Variants in UCP1 observed in about 807,000 individuals in gnomAD.
UCP1 encodes uncoupling protein 1, also known as mitochondrial brown fat uncoupling protein 1.
A neutral mutation model predicts 26.2 loss-of-function variants in UCP1; 24 were observed. The observed-to-expected ratio is 0.92, with a 90% confidence interval of 0.66 to 1.29. UCP1 has a LOEUF of 1.29. Ranked by LOEUF, UCP1 falls within the 50% of genes most tolerant of loss-of-function variation. The probability of loss-of-function intolerance (pLI) is 0.00; values close to 1 mark genes in which losing one functional copy is unlikely to be tolerated. For missense variants in UCP1, 402 were observed against 388.7 expected (o/e 1.03, Z -0.29); for synonymous variants, 164 against 156.8 (o/e 1.05, Z -0.34).
chr4:140,562,268 G>A lies in UCP1; in HGVS notation c.734C>T (p.Pro245Leu), dbSNP rs1376645954. 1 of 1,613,984 alleles carries A rather than the reference G, an allele frequency of 6.2e-7. No homozygotes were observed. The highest frequency in any genetic ancestry group is 8.5e-7 in the Non-Finnish European group (1 of 1,180,012). Residue 245 changes from proline to leucine, a missense_variant, in exon 5 of 6, where the codon CCA (proline) becomes CTA (leucine). Coordinates refer to ENST00000262999, the MANE Select transcript of UCP1 (RefSeq NM_021833.5). Reference protein sequence around the residue: ...VVKTRFINSPPGQYKSVPNCA... With the variant: ...VVKTRFINSPLGQYKSVPNCA... ...GTTGGGCACACTTTTGTACTGTCCT[G>A]GTGGAGAATTAATAAATCTGGTTTT...
At position 140,562,176 on chromosome 4, in the gene UCP1, A is replaced by T. The variant is rs553417300; in HGVS notation, c.809+17T>A. 1 of 1,614,094 alleles carries T rather than the reference A, an allele frequency of 6.2e-7. No individual in the cohort carries two copies. The highest frequency in any genetic ancestry group is 1.1e-5 in the South Asian group (1 of 91,086). On this transcript the variant is annotated intron_variant, in intron 5 of 5. Coordinates refer to ENST00000262999, the MANE Select transcript of UCP1 (RefSeq NM_021833.5). ...GACAGCCAGAACACATTACAGATAC[A>T]CAAGATCATATCTTACCCCTTGAAG...
At chr4:140,560,188 G>T (rs920851060) in intron 5 of UCP1, among the ~76,000 whole-genome samples, 178 bp from the exon 6 acceptor site, 16 of 151,924 alleles carry the variant, frequency 1.1e-4, no homozygotes, top group Non-Finnish European at 2.2e-4. Context: ...GGAGTAACTG[G>T]GACTAGAGAC....
At chr4:140,563,238 T>C (rs751020946) in intron 3 of UCP1, 27 bp from the exon 4 acceptor site, 168 of 1,611,526 alleles carry the variant, frequency 1.0e-4, no homozygotes, top group Non-Finnish European at 1.3e-4. Context: ...AGAAAATGTT[T>C]ATTAACTCTA....
intron 5 of UCP1, 93 bp downstream of exon 5, chr4:140,562,100 C>T (rs1578787117): frequency 8.4e-6 from 12 of 1,428,824 alleles, no homozygotes; most frequent in African/African-American, 1.4e-5. Flanking sequence ...TATACTAAGG[C>T]TTGTAAGCTA....
chr4:140,562,192 C>T lies in UCP1; in HGVS notation c.809+1G>A. Reference sequence around the variant, plus strand: ...TACAGATACACAAGATCATATCTTACCCCTTGAAGAAAGCCGTTGGTCCTT... The same window carrying T: ...TACAGATACACAAGATCATATCTTATCCCTTGAAGAAAGCCGTTGGTCCTT... On this transcript the variant is annotated splice_donor_variant, in intron 5 of 5. Coordinates refer to ENST00000262999, the MANE Select transcript of UCP1 (RefSeq NM_021833.5). LOFTEE classifies it high-confidence loss of function. 1 of 1,614,138 alleles carries T rather than the reference C, an allele frequency of 6.2e-7. No individual in the cohort carries two copies. The highest frequency in any genetic ancestry group is 8.5e-7 in the Non-Finnish European group (1 of 1,179,992).
In UCP1 at chr4:140,563,439, C is replaced by T; in HGVS notation, c.405G>A (p.Glu135=). The T allele has an allele frequency of 6.2e-7, 1 of 1,614,060 alleles. No homozygotes were observed. Among genetic ancestry groups the T allele is most frequent in the South Asian group, 1.1e-5 (1 of 91,072 alleles). ...GTGCTTGAAGTCTGACTTTCACGAC[C>T]TCTGTGGGTTGCCCAATGAATACTG... The part of the protein sequence containing the change: ...GVAVFIGQPT[E]VVKVRLQAQS... The change falls in exon 3 of 6, where the codon GAG becomes GAA. Residue 135 remains glutamate, a synonymous_variant. Transcript: ENST00000262999.
chr4:140,566,967 G>A (rs1434506972), intron 2 of UCP1, among the ~76,000 whole-genome samples: 1 of 152,192 alleles, frequency 6.6e-6, no homozygotes, highest in African/African-American at 2.4e-5. Context: ...CCTCCCAGCT[G>A]TGTGACCTTG....
Position 140,562,414 on chromosome 4 carries a change from G to A in UCP1, c.629-41C>T, listed in dbSNP as rs777139082. The A allele has an allele frequency of 3.2e-5, 51 of 1,607,510 alleles. No homozygotes were observed. The Admixed American group carries it at 8.6e-4, about 27-fold the overall frequency. On this transcript the variant is annotated intron_variant, in intron 4 of 5. Transcript: ENST00000262999. ...GAAACAGGTCAACATCAGACTTTTG[G>A]GGGCTTGCAATTTAGTTATCTGTCA...
chr4:140,563,468 C>T lies in UCP1; in HGVS notation c.376G>A (p.Val126Met). The T allele has an allele frequency of 6.2e-7, 1 of 1,614,102 alleles. No individual in the cohort carries two copies. The highest frequency in any genetic ancestry group is 8.5e-7 in the Non-Finnish European group (1 of 1,180,030). The change falls in exon 3 of 6, where the codon GTG becomes ATG. Residue 126 changes from valine (V) to methionine (M), a missense_variant. Transcript: ENST00000262999. ...GTGGGTTGCCCAATGAATACTGCCA[C>T]TCCTCCAGTCGTTAGACCAGCTAAA... ...KILAGLTTGG[V>M]AVFIGQPTEV... is the part of the protein sequence containing the mutation.
At chr4:140,563,594 G>A in intron 2 of UCP1, 76 bp from the exon 3 acceptor site, 3 of 1,351,566 alleles carry the variant, frequency 2.2e-6, no homozygotes. Flanking sequence ...TTAATTTTCA[G>A]TGGTTCATAT....
At chr4:140,566,557 T>C (rs1735803314) in intron 2 of UCP1, among the ~76,000 whole-genome samples, 1 of 152,234 alleles carries the variant, frequency 6.6e-6, no homozygotes, top group Admixed American at 6.5e-5. Flanking sequence ...GACTTTATCT[T>C]CACTTTGAAA....
chr4:140,561,026 A>C (rs544349406), intron 5 of UCP1, among the ~76,000 whole-genome samples: 24 of 152,298 alleles, frequency 1.6e-4, no homozygotes, highest in Non-Finnish European at 2.6e-4. Flanking sequence ...AACGTTTTCA[A>C]GGTTCATCCA....
Position 140,568,916 on chromosome 4 carries a change from G to A in UCP1, c.-187C>T. On this transcript the variant is annotated 5_prime_UTR_variant, in exon 1 of 6. Transcript: ENST00000262999. ...GACGGAGCGCGGTGTTGGGGGCCGA[G>A]TCCCCGCGTCCCCTCCTACCCACCC... 1 of 770,678 alleles carries A rather than the reference G, an allele frequency of 1.3e-6. No homozygotes were observed. 47.7% of individuals were successfully genotyped at this position (770,678 alleles called of 1,614,324 possible).
At chr4:140,567,116 C>T (rs944605876) in intron 2 of UCP1, among the ~76,000 whole-genome samples, 16 of 152,330 alleles carry the variant, frequency 1.1e-4, no homozygotes, top group African/African-American at 3.8e-4. Flanking sequence ...TAAATGCTAC[C>T]TAAAGTGACA....
intron 4 of UCP1, 74 bp from the exon 5 acceptor site, chr4:140,562,447 A>G: frequency 6.8e-7 from 1 of 1,478,888 alleles, no homozygotes; most frequent in Non-Finnish European, 9.3e-7. Context: ...TCATATCTTT[A>G]TAAACCTATT....
chr4:140,560,308 C>T (rs527960564), intron 5 of UCP1, among the ~76,000 whole-genome samples: 3 of 152,272 alleles, frequency 2.0e-5, no homozygotes, highest in Non-Finnish European at 4.4e-5. Context: ...CTTCATCTTT[C>T]CCTCCTCTGC....
Position 140,563,478 on chromosome 4 carries a change from C to T in UCP1, c.366G>A (p.Thr122=), listed in dbSNP as rs538491644. Residue 122 remains threonine, a synonymous_variant, in exon 3 of 6, where the codon ACG becomes ACA. Coordinates refer to ENST00000262999, the MANE Select transcript of UCP1 (RefSeq NM_021833.5). ...CAATGAATACTGCCACTCCTCCAGT[C>T]GTTAGACCAGCTAAAATCTTGCTTC... ...SLGSKILAGL[T]TGGVAVFIGQ... is the part of the protein sequence containing the mutation. The T allele has an allele frequency of 1.9e-4, 310 of 1,613,946 alleles. 3 individuals carry two copies. In the South Asian group the frequency reaches 3.1e-3, roughly 16 times the overall value.
chr4:140,565,969 A>G (rs1241290526), intron 2 of UCP1, among the ~76,000 whole-genome samples: 1 of 152,090 alleles, frequency 6.6e-6, no homozygotes, highest in East Asian at 1.9e-4. Context: ...TACCTTTTCT[A>G]TTTTTAGGTA....
chr4:140,564,427 A>G (rs906580047), intron 2 of UCP1, among the ~76,000 whole-genome samples: 8 of 152,264 alleles, frequency 5.3e-5, no homozygotes, highest in Non-Finnish European at 1.2e-4. Flanking sequence ...CATTTCTATC[A>G]TTAAGTAAAC....
Sources: gnomAD v4.1 joint callset for allele counts (sites outside exome capture counted in the v4.1 genomes callset) on GRCh38, gnomAD v4.1.1 for gene constraint, MANE v1.5 for transcripts, NCBI Gene and HGNC (gene_info 2026-07-23, HGNC 2026-07-21) for gene names.